The following CACNA1E variants were observed in gnomAD, a reference collection of about 807,000 sequenced individuals.
CACNA1E encodes voltage-dependent R-type calcium channel subunit alpha-1E.
In CACNA1E, 40 loss-of-function variants were observed where a neutral mutation model predicts 259.2. The observed-to-expected ratio is 0.15, with a 90% CI of 0.12 to 0.20. The LOEUF (loss-of-function observed/expected upper bound fraction) is 0.20. Ranked by LOEUF, CACNA1E falls within the 10% of genes least tolerant of loss-of-function variation. CACNA1E has a pLI of 1.00. For synonymous variants in CACNA1E, 1,104 were observed against 1,138.5 expected (o/e 0.97, Z 0.61); for missense variants, 1,874 against 3,040.1 (o/e 0.62, Z 9.02).
intron 7 of CACNA1E, among the ~76,000 whole-genome samples, chr1:181,664,173 G>T (rs1006447390): frequency 2.6e-5 from 4 of 152,204 alleles, no homozygotes; most frequent in Admixed American, 6.5e-5. Context: ...ACAAATGTAA[G>T]TGTGATTTTA....
At chr1:181,783,425 C>T (rs1660591376) in intron 39 of CACNA1E, among the ~76,000 whole-genome samples, 1 of 152,122 alleles carries the variant, frequency 6.6e-6, no homozygotes, top group African/African-American at 2.4e-5. Context: ...TAGGGAAGCC[C>T]CTTCCCTTTG....
At position 181,485,275 on chromosome 1, in the gene CACNA1E, A is replaced by T. The variant is rs1264663260; in HGVS notation, c.266+1265A>T. Among the ~76,000 whole-genome samples, 9 of 152,048 alleles carry T rather than the reference A, an allele frequency of 5.9e-5. No homozygotes were observed. Among genetic ancestry groups the T allele is most frequent in the Admixed American group, 5.9e-4 (9 of 15,286 alleles). The stretch of plus-strand genomic sequence containing the variant: ...GGAGCTGCCTTGGGTCTCTAGTATT[A>T]GCCAGACACGCGGCTCATTTCCCCC... On this transcript the variant is annotated intron_variant, in intron 1 of 47. Coordinates refer to ENST00000367573, the MANE Select transcript of CACNA1E (RefSeq NM_001205293.3). This position sits in a 1 kb window ranked among gnomAD's most constrained non-coding sequence, Gnocchi z 4.2.
intron 6 of CACNA1E, among the ~76,000 whole-genome samples, chr1:181,631,940 A>C (rs980957896): frequency 1.3e-5 from 2 of 152,192 alleles, no homozygotes; most frequent in Non-Finnish European, 2.9e-5. Flanking sequence ...AGTAGATCTC[A>C]AGATCCCACT....
chr1:181,648,102 G>A (rs1223647492), intron 6 of CACNA1E, among the ~76,000 whole-genome samples: 1 of 152,170 alleles, frequency 6.6e-6, no homozygotes, highest in African/African-American at 2.4e-5. Context: ...CCACTGTGGT[G>A]GATAATGTTT....
At chr1:181,660,144 T>A (rs952069583) in intron 7 of CACNA1E, among the ~76,000 whole-genome samples, 4 of 152,210 alleles carry the variant, frequency 2.6e-5, no homozygotes, top group African/African-American at 9.6e-5. Flanking sequence ...TGGGAAGTAG[T>A]GAAGTGTCCA....
chr1:181,319,915 G>A (rs1295066906), intron 1 of CACNA1E, among the ~76,000 whole-genome samples: 7 of 152,202 alleles, frequency 4.6e-5, no homozygotes, highest in African/African-American at 1.4e-4. Context: ...GTCCTTTGAT[G>A]AACACCTTTT....
In CACNA1E at chr1:181,512,579, G is replaced by A. The variant is rs1204825723; in HGVS notation, c.512+1069G>A. 2.0e-5 allele frequency among the ~76,000 whole-genome samples: 3 copies of A among 152,198 alleles called. No homozygotes were observed. The East Asian group carries it at 5.8e-4, about 29-fold the overall frequency. On this transcript the variant is annotated intron_variant, in intron 3 of 47. Coordinates refer to ENST00000367573, the MANE Select transcript of CACNA1E (RefSeq NM_001205293.3). ...GTCTTAGAAGGAAGGGTAAGGGCTTGGGAATGATTGCATCTATTTGTTGTC... is the reference window on the plus strand; with the variant it reads ...GTCTTAGAAGGAAGGGTAAGGGCTTAGGAATGATTGCATCTATTTGTTGTC...
chr1:181,744,416 A>C (rs1019555523), intron 25 of CACNA1E, among the ~76,000 whole-genome samples: 4 of 152,130 alleles, frequency 2.6e-5, no homozygotes, highest in African/African-American at 9.7e-5. Context: ...TGGGAGTTTG[A>C]GAATATGGTC....
intron 24 of CACNA1E, 38 bp from the exon 25 acceptor site, chr1:181,739,109 T>A (rs1656326464): frequency 7.8e-7 from 1 of 1,280,308 alleles, no homozygotes; most frequent in Non-Finnish European, 1.1e-6. Flanking sequence ...TTGCCCACAC[T>A]TTCTTGGCTC....
At chr1:181,571,750 T>G (rs1572245388) in intron 3 of CACNA1E, among the ~76,000 whole-genome samples, 1 of 152,276 alleles carries the variant, frequency 6.6e-6, no homozygotes, top group East Asian at 1.9e-4. Flanking sequence ...AACAAGGTTC[T>G]TTGTTGGTAT....
rs775338609 is a variant in CACNA1E, at chr1:181,798,746, G to A, written c.6854G>A (p.Arg2285Gln). ...SWQMPNGHYR[R>Q]RRRGGPGPGM... ...CAGATGCCCAACGGGCACTATCGGC[G>A]GCGGAGGCGCGGGGGGCCTGGGCCA... is the stretch of plus-strand genomic sequence containing the variant. Residue 2285 changes from arginine to glutamine, a missense_variant, in exon 48 of 48, where the codon CGG becomes CAG. Physicochemically the swap from Arg to Gln is conservative, Grantham distance 43. This residue lies in a region of CACNA1E where 542 missense variants were observed against 587.2 expected (regional missense o/e 0.92). Transcript: ENST00000367573. The surrounding 1 kb of genome is among the most constrained non-coding windows in gnomAD (Gnocchi z 4.2). 39 of 1,605,418 alleles carry A rather than the reference G, an allele frequency of 2.4e-5. 1 individual carries two copies. Among genetic ancestry groups the A allele is most frequent in the South Asian group, 1.2e-4 (11 of 90,530 alleles).
intron 3 of CACNA1E, among the ~76,000 whole-genome samples, chr1:181,556,286 C>T (rs796883418): frequency 1.3e-5 from 2 of 152,322 alleles, no homozygotes; most frequent in African/African-American, 2.4e-5. Flanking sequence ...GAGGGGTTTA[C>T]ACTAAATACT....
chr1:181,741,391 G>T (rs986987259), intron 25 of CACNA1E, among the ~76,000 whole-genome samples: 1 of 152,136 alleles, frequency 6.6e-6, no homozygotes, highest in African/African-American at 2.4e-5. Context: ...CTTAGGACGG[G>T]GCCTGATGTA....
chr1:181,685,711 A>G (rs770063852), intron 7 of CACNA1E, among the ~76,000 whole-genome samples: 8 of 152,134 alleles, frequency 5.3e-5, no homozygotes, highest in Non-Finnish European at 1.0e-4. Context: ...GAAAGCACAA[A>G]CAGACCTATT....
intron 1 of CACNA1E, among the ~76,000 whole-genome samples, chr1:181,343,485 C>T (rs1242675200): frequency 6.6e-6 from 1 of 152,000 alleles, no homozygotes; most frequent in African/African-American, 2.4e-5. Flanking sequence ...CACTGGCTTC[C>T]CCTTTCCCTT....
chr1:181,554,098 C>T (rs1648472625), intron 3 of CACNA1E, among the ~76,000 whole-genome samples: 1 of 152,118 alleles, frequency 6.6e-6, no homozygotes, highest in Non-Finnish European at 1.5e-5. Context: ...GCAGCCTTGA[C>T]CTCCTGGACT....
At chr1:181,674,517 A>T (rs770529917) in intron 7 of CACNA1E, among the ~76,000 whole-genome samples, 151 of 151,974 alleles carry the variant, frequency 9.9e-4, no homozygotes, top group Non-Finnish European at 1.9e-3. Context: ...AAAATACTGG[A>T]TCTCAGTAGC....
At chr1:181,445,056 G>A (rs1660718484) in intron 2 of CACNA1E, among the ~76,000 whole-genome samples, 1 of 152,146 alleles carries the variant, frequency 6.6e-6, no homozygotes, top group Non-Finnish European at 1.5e-5. Flanking sequence ...ACAAAATGGA[G>A]GAAAAGAAAG....
At chr1:181,765,120 C>T (rs189880812) in intron 34 of CACNA1E, among the ~76,000 whole-genome samples, 86 of 152,226 alleles carry the variant, frequency 5.6e-4, no homozygotes, top group Admixed American at 1.2e-3. Context: ...GAGAGCCACA[C>T]GATATAAAGA....
Sources: allele counts gnomAD v4.1 joint callset (sites outside exome capture counted in the v4.1 genomes callset), GRCh38; gene constraint gnomAD v4.1.1; regional missense constraint gnomAD v4.1.1; non-coding constraint Gnocchi (gnomAD v3.1); transcripts MANE v1.5; gene names NCBI Gene and HGNC (gene_info 2026-07-23, HGNC 2026-07-21).